The following GPC6 variants were observed in gnomAD, a reference collection of about 807,000 sequenced individuals.
GPC6 encodes glypican 6.
GPC6 carries 14 observed loss-of-function variants against 55.2 expected under a neutral mutation model. The ratio of observed to expected loss-of-function variants is 0.25; its 90% CI spans 0.17 to 0.40. The LOEUF (loss-of-function observed/expected upper bound fraction) is 0.40, where lower values mean the gene tolerates loss of function less well. Ranked by LOEUF, GPC6 falls within the 10% of genes least tolerant of loss-of-function variation. The pLI is 1.00. For missense variants in GPC6, 641 were observed against 708.5 expected, an observed-to-expected ratio of 0.90 and a Z score of 1.08; for synonymous variants, 278 against 259.6, an observed-to-expected ratio of 1.07 and a Z score of -0.68.
In GPC6 at chr13:94,130,794, C is replaced by T. The variant is rs74550639; in HGVS notation, c.877+102900C>T. ...AAAAGTTTTAATAAGCTTATAGCTA[C>T]TCTGACAGTGGAGTAGTAAATACTA... On this transcript the variant is annotated intron_variant, in intron 4 of 8. Coordinates refer to ENST00000377047, the MANE Select transcript of GPC6 (RefSeq NM_005708.5). 8.9e-3 allele frequency among the ~76,000 whole-genome samples: 1,358 copies of T among 152,192 alleles called. 20 individuals are homozygous for T. Among genetic ancestry groups the T allele is most frequent in the African/African-American group, 0.031 (1,298 of 41,558 alleles).
intron 2 of GPC6, among the ~76,000 whole-genome samples, chr13:93,671,613 G>GT (rs34079897): frequency 0.29 from 43,877 of 151,162 alleles, 7,331 homozygotes; most frequent in Middle Eastern, 0.48. Context: ...TTTTTTAGGG[G>GT]TTTTTTTTGG....
chr13:93,384,237 G>A (rs1478842365), intron 1 of GPC6, among the ~76,000 whole-genome samples: 3 of 152,074 alleles, frequency 2.0e-5, no homozygotes, highest in Admixed American at 2.0e-4. Context: ...TTTTAAAGTG[G>A]CTACATCCTG....
At chr13:93,314,493 T>C (rs1269716976) in intron 1 of GPC6, among the ~76,000 whole-genome samples, 3 of 152,126 alleles carry the variant, frequency 2.0e-5, no homozygotes, top group African/African-American at 7.2e-5. Flanking sequence ...TATTCTCATG[T>C]TTTTCACACT....
intron 1 of GPC6, among the ~76,000 whole-genome samples, chr13:93,519,511 T>C (rs961362496): frequency 6.6e-6 from 1 of 152,000 alleles, no homozygotes; most frequent in Non-Finnish European, 1.5e-5. Context: ...AATGTCTGAG[T>C]TGATGAAGGG....
intron 3 of GPC6, among the ~76,000 whole-genome samples, chr13:93,943,158 T>C (rs1878821046): frequency 6.6e-6 from 1 of 152,192 alleles, no homozygotes; most frequent in Admixed American, 6.5e-5. Context: ...TAGATACTGT[T>C]GCATGAATGA....
chr13:94,233,511 A>C (rs7996693), intron 4 of GPC6, among the ~76,000 whole-genome samples: 1 of 152,186 alleles, frequency 6.6e-6, no homozygotes, highest in Non-Finnish European at 1.5e-5. Flanking sequence ...TAAACAATGC[A>C]TACGTTTTAA....
chr13:93,601,564 C>T (rs1483506898), intron 2 of GPC6, among the ~76,000 whole-genome samples: 2 of 152,126 alleles, frequency 1.3e-5, no homozygotes, highest in Admixed American at 1.3e-4. Flanking sequence ...CCATCAGAGT[C>T]CTTATTACCT....
chr13:94,179,674 C>T (rs1408076831), intron 4 of GPC6, among the ~76,000 whole-genome samples: 1 of 152,100 alleles, frequency 6.6e-6, no homozygotes, highest in Non-Finnish European at 1.5e-5. Flanking sequence ...TTTTGACAGG[C>T]TTTCTCTAAA....
At chr13:93,423,694 C>T (rs558923472) in intron 1 of GPC6, among the ~76,000 whole-genome samples, 2 of 152,080 alleles carry the variant, frequency 1.3e-5, no homozygotes, top group Non-Finnish European at 2.9e-5. Context: ...TCCACCACTC[C>T]GCCACCAACA....
rs533541142 is a variant in GPC6 at position 93,800,975 on chromosome 13, A to G, written c.320-29179A>G. Among the ~76,000 whole-genome samples, 4 of 152,294 alleles carry G rather than the reference A, an allele frequency of 2.6e-5. No individual in the cohort carries two copies. The South Asian group carries it at 8.3e-4, about 32-fold the overall frequency. On this transcript the variant is annotated intron_variant, in intron 2 of 8. Coordinates refer to ENST00000377047, the MANE Select transcript of GPC6 (RefSeq NM_005708.5). ...GATAAAAATAGTTTGGATGGATGGT[A>G]TGCATTGGCATTAAATCTGCTTCAA...
chr13:93,709,708 C>T (rs1196305566), intron 2 of GPC6, among the ~76,000 whole-genome samples: 3 of 151,750 alleles, frequency 2.0e-5, no homozygotes, highest in African/African-American at 7.2e-5. Context: ...CATTGTGTAT[C>T]TCCAAACTGG....
At chr13:93,500,563 A>G (rs1247987041) in intron 1 of GPC6, among the ~76,000 whole-genome samples, 2 of 152,144 alleles carry the variant, frequency 1.3e-5, no homozygotes, top group Non-Finnish European at 2.9e-5. Flanking sequence ...CCACGAACAT[A>G]TATCTATTTT....
At chr13:93,417,268 T>C (rs1406676145) in intron 1 of GPC6, among the ~76,000 whole-genome samples, 1 of 152,130 alleles carries the variant, frequency 6.6e-6, no homozygotes, top group Non-Finnish European at 1.5e-5. Flanking sequence ...TTTAGTGACA[T>C]AGCCTTGGAG....
intron 2 of GPC6, among the ~76,000 whole-genome samples, chr13:93,698,485 CTTTTTTTTT>C (rs57058820): frequency 9.2e-5 from 3 of 32,434 alleles, no homozygotes; most frequent in African/African-American, 1.2e-4. Context: ...CTGTGTGGGT[CTTTTTTTTT>C]TTTTTTTTTT....
intron 4 of GPC6, among the ~76,000 whole-genome samples, chr13:94,153,788 C>T (rs1286435130): frequency 6.6e-6 from 1 of 152,108 alleles, no homozygotes; most frequent in African/African-American, 2.4e-5. Flanking sequence ...TGGCCCCATC[C>T]CAGAATTCCT....
chr13:94,132,316 G>C (rs971404384), intron 4 of GPC6, among the ~76,000 whole-genome samples: 3 of 152,142 alleles, frequency 2.0e-5, no homozygotes, highest in African/African-American at 7.2e-5. Context: ...ACACACGATG[G>C]CTTCAGCAGG....
intron 1 of GPC6, among the ~76,000 whole-genome samples, chr13:93,380,874 TA>T (rs111901526): frequency 7.9e-5 from 12 of 152,262 alleles, no homozygotes; most frequent in African/African-American, 2.9e-4. Context: ...AGCAGGTATT[TA>T]TTGGTCCCTG....
At chr13:93,759,338 G>T (rs977843265) in intron 2 of GPC6, among the ~76,000 whole-genome samples, 52 of 152,278 alleles carry the variant, frequency 3.4e-4, no homozygotes, top group African/African-American at 1.2e-3. Flanking sequence ...GAAGCAAAGT[G>T]ACTAGAGAAG....
intron 4 of GPC6, among the ~76,000 whole-genome samples, chr13:94,152,195 C>CA (rs1380655622): frequency 2.6e-5 from 4 of 152,134 alleles, no homozygotes; most frequent in African/African-American, 9.7e-5. Context: ...ATTACAATGT[C>CA]AATCAAGTTT....
Sources: gnomAD v4.1 joint callset for allele counts (sites outside exome capture counted in the v4.1 genomes callset) on GRCh38, gnomAD v4.1.1 for gene constraint, MANE v1.5 for transcripts, NCBI Gene and HGNC (gene_info 2026-07-23, HGNC 2026-07-21) for gene names.